The following DNHD1 variants were observed in gnomAD, a reference collection of about 807,000 sequenced individuals.
DNHD1 encodes dynein heavy chain domain 1, also known as dynein heavy chain domain-containing protein 1.
DNHD1 carries 383 observed loss-of-function variants against 458.1 expected under a neutral mutation model. That is an observed-to-expected ratio of 0.84 (90% CI 0.77 to 0.91). The LOEUF (loss-of-function observed/expected upper bound fraction) is 0.91, where lower values mean the gene tolerates loss of function less well. Among genes scored for constraint, DNHD1 ranks in the 40% least tolerant of loss-of-function variants. The probability of loss-of-function intolerance (pLI) is 0.00; values close to 1 mark genes in which losing one functional copy is unlikely to be tolerated. For missense variants in DNHD1, 5,336 were observed against 5,866.1 expected, an observed-to-expected ratio of 0.91 and a Z score of 2.95; for synonymous variants, 2,203 against 2,376.9, an observed-to-expected ratio of 0.93 and a Z score of 2.13.
chr11:6,533,576 G>A, intron 13 of DNHD1, 105 bp from the exon 14 acceptor site: 1 of 1,378,664 alleles, frequency 7.3e-7, no homozygotes, highest in East Asian at 2.5e-5. Context: ...GGCTGCAACT[G>A]GGTCTGGAGA....
In DNHD1 at chr11:6,571,142, G is replaced by A. The variant is rs1250947687; in HGVS notation, c.13630G>A (p.Gly4544Ser). 1.2e-6 allele frequency: 2 copies of A among 1,601,186 alleles called. No homozygotes were observed. The highest frequency in any genetic ancestry group is 1.3e-5 in the African/African-American group (1 of 74,894). Residue 4544 changes from glycine (G) to serine (S), a missense_variant, in exon 42 of 43, where the codon GGT becomes AGT. Physicochemically the swap from Gly to Ser is moderately conservative, Grantham distance 56. Transcript: ENST00000254579. This position sits in a 1 kb window ranked among gnomAD's most constrained non-coding sequence, Gnocchi z 5.0. ...PLPWRPHAPA[G>S]PQPPWHWLRQ... ...GCCTTGGCGACCTCATGCGCCGGCC[G>A]GTCCGCAGCCGCCCTGGCACTGGCT...
chr11:6,505,475 A>T lies in DNHD1; in HGVS notation c.920+2549A>T, dbSNP rs751910172. 1.3e-4 allele frequency among the ~76,000 whole-genome samples: 20 copies of T among 150,086 alleles called. No homozygotes were observed. Among genetic ancestry groups the T allele is most frequent in the Non-Finnish European group, 2.4e-4 (16 of 67,408 alleles). Reference sequence around the variant, plus strand: ...GCCACATTGGCCAAGCTGATCTCGAACTCCTGGCTTCAAGTGATCCACCCA... The same window carrying T: ...GCCACATTGGCCAAGCTGATCTCGATCTCCTGGCTTCAAGTGATCCACCCA... On this transcript the variant is annotated intron_variant, in intron 4 of 42. Transcript: ENST00000254579. The surrounding 1 kb of genome is among the most constrained non-coding windows in gnomAD (Gnocchi z 4.4).
intron 24 of DNHD1, 116 bp downstream of exon 24, chr11:6,549,049 T>C: frequency 8.6e-7 from 1 of 1,158,830 alleles, no homozygotes; most frequent in Non-Finnish European, 1.2e-6. Context: ...TTTAGTGTTC[T>C]GTTCTTAATA....
Position 6,519,950 on chromosome 11 carries a change from C to T in DNHD1, c.1648-15C>T. 1.9e-6 allele frequency: 3 copies of T among 1,614,036 alleles called. No individual in the cohort carries two copies. Among genetic ancestry groups the T allele is most frequent in the Non-Finnish European group, 2.5e-6 (3 of 1,179,946 alleles). ...CATCTAGCCCCTCGACCTTTCCTGA[C>T]CCTTTTTTTTACAGGCCCCAAGGCA... On this transcript the variant is annotated splice_polypyrimidine_tract_variant and intron_variant, in intron 8 of 42. Transcript: ENST00000254579.
At chr11:6,562,902 G>T (rs1223840385) in intron 28 of DNHD1, 80 bp from the exon 29 acceptor site, 2 of 1,476,216 alleles carry the variant, frequency 1.4e-6, no homozygotes, top group East Asian at 5.0e-5. Flanking sequence ...GTGTGCTACA[G>T]TTCCAGGATC....
chr11:6,553,126 A>G (rs1351878348), intron 24 of DNHD1, among the ~76,000 whole-genome samples: 1 of 152,264 alleles, frequency 6.6e-6, no homozygotes, highest in Non-Finnish European at 1.5e-5. Flanking sequence ...ATATTATTAA[A>G]TAAAATTCAG....
At chr11:6,553,127 T>C (rs1049973033) in intron 24 of DNHD1, among the ~76,000 whole-genome samples, 1 of 152,174 alleles carries the variant, frequency 6.6e-6, no homozygotes. Flanking sequence ...TATTATTAAA[T>C]AAAATTCAGC....
In DNHD1 at chr11:6,529,062, A is replaced by G. The variant is rs1362768379; in HGVS notation, c.2288A>G (p.Glu763Gly). The change falls in exon 12 of 43, where the codon GAG becomes GGG. Residue 763 changes from glutamate (E) to glycine (G), a missense_variant. Transcript: ENST00000254579. ...GCCCGTGTCTCCAGTATGCCTATCG[A>G]GTTGCTCACAAAAGGCGGGTTGCTG... Reference protein sequence around the residue: ...WQARVSSMPIELLTKGGLLLL... With the variant: ...WQARVSSMPIGLLTKGGLLLL... The G allele has an allele frequency of 1.3e-6, 2 of 1,550,804 alleles. No individual in the cohort carries two copies. The highest frequency in any genetic ancestry group is 3.9e-5 in the Admixed American group (2 of 51,004).
At chr11:6,519,021 T>A (rs182357898) in intron 7 of DNHD1, among the ~76,000 whole-genome samples, 37 of 152,138 alleles carry the variant, frequency 2.4e-4, no homozygotes, top group Non-Finnish European at 4.1e-4. Flanking sequence ...GCCCAGAGCA[T>A]TGGCAATTGT....
At position 6,520,849 on chromosome 11, in the gene DNHD1, C is replaced by G. The variant is rs1041881813; in HGVS notation, c.1837+560C>G. On this transcript the variant is annotated intron_variant, in intron 10 of 42. Coordinates refer to ENST00000254579, the MANE Select transcript of DNHD1 (RefSeq NM_144666.3). ...ATACTAATGCTGTCACAAATAAAAT[C>G]ATTAAATGCAATCAGTCACATCTGA... The G allele has an allele frequency of 6.1e-6, 6 of 987,956 alleles. No individual in the cohort carries two copies. In the African/African-American group the frequency reaches 1.0e-4, roughly 17 times the overall value. The allele number at this position is 987,956 out of a possible 1,614,324, so 61.2% of individuals were successfully genotyped here. A position where few individuals can be genotyped will look rare whatever the true frequency, so the allele number is the denominator to read the frequency against.
chr11:6,519,112 C>T (rs984939559), intron 7 of DNHD1, among the ~76,000 whole-genome samples: 6 of 152,154 alleles, frequency 3.9e-5, no homozygotes, highest in Non-Finnish European at 8.8e-5. Context: ...TCCACATTCC[C>T]TCTCCTCTAA....
chr11:6,512,779 C>G (rs1238561189), intron 7 of DNHD1, among the ~76,000 whole-genome samples: 1 of 152,072 alleles, frequency 6.6e-6, no homozygotes, highest in Non-Finnish European at 1.5e-5. Flanking sequence ...GTTGTAACCT[C>G]CACAAGGGTA....
rs1234763363 is a variant in DNHD1, at chr11:6,519,857, G to A, written c.1647+3G>A. ...CTTTTGTGGCCAACATCCTTCAAGTGAGGTGGTGGGTGGCATGTGTGGAGG... is the reference window on the plus strand; with the variant it reads ...CTTTTGTGGCCAACATCCTTCAAGTAAGGTGGTGGGTGGCATGTGTGGAGG... On this transcript the variant is annotated splice_donor_region_variant and intron_variant, in intron 8 of 42. Coordinates refer to ENST00000254579, the MANE Select transcript of DNHD1 (RefSeq NM_144666.3). 1.9e-6 allele frequency: 3 copies of A among 1,612,586 alleles called. No homozygotes were observed. The highest frequency in any genetic ancestry group is 2.2e-5 in the South Asian group (2 of 91,072).
intron 7 of DNHD1, among the ~76,000 whole-genome samples, chr11:6,513,216 T>C (rs1450491988): frequency 1.3e-5 from 2 of 152,220 alleles, no homozygotes; most frequent in African/African-American, 4.8e-5. Context: ...GTCAATTTTG[T>C]ATATTAAGGT....
At chr11:6,500,081 C>T (rs1852104785) in intron 3 of DNHD1, among the ~76,000 whole-genome samples, 1 of 151,904 alleles carries the variant, frequency 6.6e-6, no homozygotes, top group South Asian at 2.1e-4. Flanking sequence ...TCTTTTGCCT[C>T]AGCCTCCCGA....
Position 6,567,508 on chromosome 11 carries a change from T to C in DNHD1, c.11999T>C (p.Val4000Ala), listed in dbSNP as rs1564824368. The change falls in exon 36 of 43, where the codon GTT becomes GCT. Residue 4000 changes from valine (V) to alanine (A), a missense_variant. Coordinates refer to ENST00000254579, the MANE Select transcript of DNHD1 (RefSeq NM_144666.3). ...CEMLELLPPF[V>A]GLCASLAGHS... Reference sequence around the variant, plus strand: ...ATGTTAGAGCTGCTGCCCCCATTTGTTGGCCTGTGTGCCTCCCTGGCAGGC... The same window carrying C: ...ATGTTAGAGCTGCTGCCCCCATTTGCTGGCCTGTGTGCCTCCCTGGCAGGC... 1.2e-6 allele frequency: 2 copies of C among 1,613,762 alleles called. No homozygotes were observed. Among genetic ancestry groups the C allele is most frequent in the Admixed American group, 1.7e-5 (1 of 59,956 alleles).
At chr11:6,523,810 G>A (rs1211655380) in intron 10 of DNHD1, among the ~76,000 whole-genome samples, 1 of 152,020 alleles carries the variant, frequency 6.6e-6, no homozygotes, top group Non-Finnish European at 1.5e-5. Context: ...AACATAGTGA[G>A]ACCCTGTCTC....
rs1260968423 is a variant in DNHD1, at chr11:6,548,634, C to A, written c.7099-11C>A. On this transcript the variant is annotated splice_polypyrimidine_tract_variant and intron_variant, in intron 23 of 42. Coordinates refer to ENST00000254579, the MANE Select transcript of DNHD1 (RefSeq NM_144666.3). This position sits in a 1 kb window ranked among gnomAD's most constrained non-coding sequence, Gnocchi z 4.4. ...GGAGGTGCTGCAGTAAGTCCCACTTCTGTCTTGCAGACTGAACGGCTCTTG... is the reference window on the plus strand; with the variant it reads ...GGAGGTGCTGCAGTAAGTCCCACTTATGTCTTGCAGACTGAACGGCTCTTG... 1.3e-6 allele frequency: 2 copies of A among 1,551,300 alleles called. No homozygotes were observed. The highest frequency in any genetic ancestry group is 4.9e-5 in the East Asian group (2 of 40,926).
At chr11:6,542,423 G>C (rs1019300083) in intron 18 of DNHD1, among the ~76,000 whole-genome samples, 1 of 152,208 alleles carries the variant, frequency 6.6e-6, no homozygotes, top group Non-Finnish European at 1.5e-5. Context: ...TCAGATACCA[G>C]CCTGGGTCCT....
Sources: gnomAD v4.1 joint callset for allele counts (sites outside exome capture counted in the v4.1 genomes callset) on GRCh38, gnomAD v4.1.1 for gene constraint, Gnocchi (gnomAD v3.1) non-coding constraint, MANE v1.5 for transcripts, NCBI Gene and HGNC (gene_info 2026-07-23, HGNC 2026-07-21) for gene names.